ETFA: variants seen among roughly 807,000 people sequenced by gnomAD.
ETFA encodes the protein electron transfer flavoprotein subunit alpha.
A neutral mutation model predicts 46.2 loss-of-function variants in ETFA; 22 were observed. That is an observed-to-expected ratio of 0.48 (90% CI 0.34 to 0.68). The LOEUF is 0.68. Among genes scored for constraint, ETFA ranks in the 30% least tolerant of loss-of-function variants. ETFA has a pLI of 0.01. For missense variants in ETFA, 345 were observed against 401.1 expected (o/e 0.86, Z 1.19); for synonymous variants, 131 against 139.9 (o/e 0.94, Z 0.45).
At chr15:76,262,741 C>G (rs2039429836) in intron 9 of ETFA, among the ~76,000 whole-genome samples, 1 of 152,020 alleles carries the variant, frequency 6.6e-6, no homozygotes, top group Admixed American at 6.6e-5. Flanking sequence ...CTCGGCCTCC[C>G]AAAGTGCTGG....
At chr15:76,217,779 C>A in intron 11 of ETFA, 1 of 326,938 alleles carries the variant, frequency 3.1e-6, no homozygotes, top group Non-Finnish European at 6.3e-6. Flanking sequence ...CCTTAGCTCA[C>A]AAAGATTCCA....
chr15:76,261,091 GA>G (rs2039406772), intron 9 of ETFA: 1 of 1,519,882 alleles, frequency 6.6e-7, no homozygotes, highest in Non-Finnish European at 9.1e-7. Context: ...TTTAGGCTGT[GA>G]ACTTCACAGG....
At chr15:76,278,245 T>C (rs2141521102) in intron 8 of ETFA, among the ~76,000 whole-genome samples, 1 of 152,282 alleles carries the variant, frequency 6.6e-6, no homozygotes, top group South Asian at 2.1e-4. Context: ...GATTGCTTAA[T>C]ACTCCCAATT....
At chr15:76,262,628 GCCTGC>G (rs1471428786) in intron 9 of ETFA, among the ~76,000 whole-genome samples, 1 of 151,658 alleles carries the variant, frequency 6.6e-6, no homozygotes, top group Non-Finnish European at 1.5e-5. Flanking sequence ...GACTACAGGC[GCCTGC>G]CACCATGCCC....
intron 4 of ETFA, among the ~76,000 whole-genome samples, chr15:76,290,611 T>C (rs1228042468): frequency 6.6e-6 from 1 of 152,122 alleles, no homozygotes; most frequent in African/African-American, 2.4e-5. Context: ...GTGCTGGGAT[T>C]ACAGGCGTCA....
intron 10 of ETFA, chr15:76,228,159 C>G (rs2039024452): frequency 2.7e-6 from 1 of 364,998 alleles, no homozygotes; most frequent in African/African-American, 2.1e-5. Flanking sequence ...CATCCGAAAG[C>G]TTTTTCATTA....
At chr15:76,277,934 T>C (rs2039612125) in intron 8 of ETFA, among the ~76,000 whole-genome samples, 1 of 152,198 alleles carries the variant, frequency 6.6e-6, no homozygotes, top group Admixed American at 6.5e-5. Flanking sequence ...TTATCTGTAT[T>C]TGCTTGTTGG....
chr15:76,267,093 G>A (rs1195227599), intron 9 of ETFA, among the ~76,000 whole-genome samples: 1 of 152,144 alleles, frequency 6.6e-6, no homozygotes, highest in Admixed American at 6.5e-5. Flanking sequence ...AGAAGCATTG[G>A]AGGAACTTCC....
chr15:76,273,128 C>T (rs1171657599), intron 9 of ETFA, among the ~76,000 whole-genome samples: 2 of 151,774 alleles, frequency 1.3e-5, no homozygotes, highest in Non-Finnish European at 1.5e-5. Flanking sequence ...ATAGGAAGTC[C>T]TAGCATGGGA....
chr15:76,256,885 A>C (rs2141488300), intron 9 of ETFA, among the ~76,000 whole-genome samples: 1 of 152,310 alleles, frequency 6.6e-6, no homozygotes, highest in African/African-American at 2.4e-5. Flanking sequence ...ACAGTAACAT[A>C]CTATACAGGT....
intron 1 of ETFA, among the ~76,000 whole-genome samples, chr15:76,304,745 T>TA (rs2039921091): frequency 1.3e-5 from 2 of 151,876 alleles, no homozygotes; most frequent in Non-Finnish European, 2.9e-5. Flanking sequence ...GTGATGTTTT[T>TA]ATCTAAAGAA....
At chr15:76,235,610 T>C (rs1475547272) in intron 9 of ETFA, among the ~76,000 whole-genome samples, 1 of 152,176 alleles carries the variant, frequency 6.6e-6, no homozygotes, top group Non-Finnish European at 1.5e-5. Flanking sequence ...ACAGGTAATA[T>C]AAAGATGACT....
At chr15:76,283,856 G>A in intron 7 of ETFA, 31 bp from the exon 8 acceptor site, 1 of 1,488,338 alleles carries the variant, frequency 6.7e-7, no homozygotes, top group South Asian at 1.2e-5. Flanking sequence ...AAAAAAATTA[G>A]GCAAACATCA....
chr15:76,257,939 T>C (rs1596202979), intron 9 of ETFA, among the ~76,000 whole-genome samples: 1 of 145,370 alleles, frequency 6.9e-6, no homozygotes, highest in African/African-American at 2.6e-5. Flanking sequence ...AAACAACGCA[T>C]GTTCTCACTC....
intron 9 of ETFA, chr15:76,258,897 T>C: frequency 1.2e-6 from 1 of 868,850 alleles, no homozygotes; most frequent in South Asian, 1.5e-5. Flanking sequence ...CACACCTTGC[T>C]GTCTGGGCTG....
chr15:76,307,467 A>G (rs774765504), intron 1 of ETFA, among the ~76,000 whole-genome samples: 20 of 151,966 alleles, frequency 1.3e-4, no homozygotes, highest in Non-Finnish European at 2.4e-4. Context: ...TTAAAAGAAT[A>G]CATAAAATTT....
At chr15:76,249,687 C>CGCCTCG in intron 9 of ETFA, among the ~76,000 whole-genome samples, 1 of 151,910 alleles carries the variant, frequency 6.6e-6, no homozygotes, top group East Asian at 1.9e-4. Flanking sequence ...GTGATCCGCC[C>CGCCTCG]GCCTCGGCCT....
intron 1 of ETFA, among the ~76,000 whole-genome samples, chr15:76,299,600 T>A (rs2039861143): frequency 6.6e-6 from 1 of 152,178 alleles, no homozygotes; most frequent in Non-Finnish European, 1.5e-5. Flanking sequence ...TTTCTTAAAC[T>A]GCCAACACAT....
intron 1 of ETFA, among the ~76,000 whole-genome samples, chr15:76,296,612 T>G (rs1302421932): frequency 2.0e-5 from 3 of 152,202 alleles, no homozygotes; most frequent in African/African-American, 7.2e-5. Context: ...AAACAGCAGT[T>G]TTGCCAGGTT....
Sources: allele counts gnomAD v4.1 joint callset (sites outside exome capture counted in the v4.1 genomes callset), GRCh38; gene constraint gnomAD v4.1.1; transcripts MANE v1.5; gene names NCBI Gene and HGNC (gene_info 2026-07-23, HGNC 2026-07-21).